Variants in DMP1 observed in about 807,000 individuals in gnomAD.
DMP1 encodes dentin matrix protein 1.
In DMP1, 20 loss-of-function variants were observed where a neutral mutation model predicts 14.6. That is an observed-to-expected ratio of 1.37 (90% CI 0.96 to 1.99). The LOEUF (loss-of-function observed/expected upper bound fraction) is 1.99. DMP1 is among the 30% of genes most tolerant of loss of function. The pLI, the probability that DMP1 is intolerant of heterozygous loss-of-function variation, is 0.00. For synonymous variants in DMP1, 197 were observed against 215.3 expected, an observed-to-expected ratio of 0.91 and a Z score of 0.75; for missense variants, 567 against 620.5, an observed-to-expected ratio of 0.91 and a Z score of 0.92.
chr4:87,662,872 G>T lies in DMP1; in HGVS notation c.1094G>T (p.Gly365Val). Reference sequence around the variant, plus strand: ...GAAGAGGTGGTGAGTGAGTCCAGGGGAGATAACCCCGACCCCACAACTAGT... The same window carrying T: ...GAAGAGGTGGTGAGTGAGTCCAGGGTAGATAACCCCGACCCCACAACTAGT... ...SQEEVVSESR[G>V]DNPDPTTSYV... Residue 365 changes from glycine (G) to valine (V), a missense_variant, in exon 6 of 6, where the codon GGA becomes GTA. Coordinates refer to ENST00000339673, the MANE Select transcript of DMP1 (RefSeq NM_004407.4). 2 of 1,614,134 alleles carry T rather than the reference G, an allele frequency of 1.2e-6. No individual in the cohort carries two copies. Among genetic ancestry groups the T allele is most frequent in the Non-Finnish European group, 1.7e-6 (2 of 1,180,026 alleles).
Position 87,662,232 on chromosome 4 carries a change from C to T in DMP1, c.454C>T (p.Pro152Ser). Reference protein sequence around the residue: ...DTIQASEESAPQGQDSAQDTT... With the variant: ...DTIQASEESASQGQDSAQDTT... ...CATACAAGCCAGTGAAGAGAGTGCCCCACAAGGGCAAGACAGTGCCCAAGA... is the reference window on the plus strand; with the variant it reads ...CATACAAGCCAGTGAAGAGAGTGCCTCACAAGGGCAAGACAGTGCCCAAGA... The change falls in exon 6 of 6, where the codon CCA becomes TCA. Residue 152 changes from proline (P) to serine (S), a missense_variant. Pro to Ser is a moderately conservative substitution (Grantham distance 74). Transcript: ENST00000339673. 6.2e-6 allele frequency: 10 copies of T among 1,614,128 alleles called. No homozygotes were observed. Among genetic ancestry groups the T allele is most frequent in the Non-Finnish European group, 8.5e-6 (10 of 1,180,034 alleles).
chr4:87,653,385 TGATATATATA>T (rs1728573778), intron 1 of DMP1, among the ~76,000 whole-genome samples: 2 of 56,510 alleles, frequency 3.5e-5, no homozygotes, highest in Non-Finnish European at 3.5e-5. Context: ...CATTATCGAG[TGATATATATA>T]TATATATATA....
intron 2 of DMP1, 66 bp from the exon 3 acceptor site, chr4:87,656,966 A>C (rs911686488): frequency 1.0e-6 from 1 of 990,600 alleles, no homozygotes; most frequent in Non-Finnish European, 1.6e-6. Context: ...CTATGTATGA[A>C]ATGTGTTAAT....
At chr4:87,652,094 T>C (rs563703060) in intron 1 of DMP1, among the ~76,000 whole-genome samples, 2 of 152,304 alleles carry the variant, frequency 1.3e-5, no homozygotes, top group Admixed American at 6.5e-5. Flanking sequence ...AGAAATTCTC[T>C]AATACACCGC....
intron 3 of DMP1, 124 bp downstream of exon 3, chr4:87,657,203 A>T (rs1444913589): frequency 4.0e-5 from 25 of 618,884 alleles, no homozygotes; most frequent in Non-Finnish European, 7.2e-5. Context: ...AAGCTAAGCT[A>T]TAGAGTTCAT....
chr4:87,663,538 G>C lies in DMP1; in HGVS notation c.*218G>C. 1.6e-6 allele frequency: 1 copy of C among 638,892 alleles called. No individual in the cohort carries two copies. The allele number at this position is 638,892 out of a possible 1,614,324, so 39.6% of individuals were successfully genotyped here. A position where few individuals can be genotyped will look rare whatever the true frequency, so the allele number is the denominator to read the frequency against. On this transcript the variant is annotated 3_prime_UTR_variant, in exon 6 of 6. Transcript: ENST00000339673. ...GTGACACCAGAACACAGCCAAAGAG[G>C]CTAGAAGCAAGAAAGGATCTGCATG...
chr4:87,657,761 G>A (rs1054511533), intron 3 of DMP1, among the ~76,000 whole-genome samples: 13 of 152,154 alleles, frequency 8.5e-5, no homozygotes, highest in African/African-American at 2.9e-4. Flanking sequence ...TCTCAGGAAG[G>A]AGCCAGGTCT....
chr4:87,662,258 T>A lies in DMP1; in HGVS notation c.480T>A (p.Asp160Glu), dbSNP rs1419360480. ...CACAAGGGCAAGACAGTGCCCAAGATACCACCAGTGAGAGCAGGGAACTTG... is the reference window on the plus strand; with the variant it reads ...CACAAGGGCAAGACAGTGCCCAAGAAACCACCAGTGAGAGCAGGGAACTTG... ...SAPQGQDSAQ[D>E]TTSESRELDN... The change falls in exon 6 of 6, where the codon GAT becomes GAA. Residue 160 changes from aspartate (D) to glutamate (E), a missense_variant. Asp to Glu is a conservative substitution (Grantham distance 45). Coordinates refer to ENST00000339673, the MANE Select transcript of DMP1 (RefSeq NM_004407.4). 1 of 1,614,104 alleles carries A rather than the reference T, an allele frequency of 6.2e-7. No homozygotes were observed. Among genetic ancestry groups the A allele is most frequent in the Non-Finnish European group, 8.5e-7 (1 of 1,180,034 alleles).
Position 87,663,037 on chromosome 4 carries a change from A to T in DMP1, c.1259A>T (p.Glu420Val), listed in dbSNP as rs1339335485. ...ESLNFSEESP[E>V]SPEDENSSSQ... ...CTCAACTTCTCAGAGGAAAGCCCGG[A>T]GTCCCCTGAGGATGAGAACAGCTCC... The change falls in exon 6 of 6, where the codon GAG becomes GTG. Residue 420 changes from glutamate to valine, a missense_variant. Glu to Val is a moderately radical substitution (Grantham distance 121, BLOSUM62 -2). Transcript: ENST00000339673. The T allele has an allele frequency of 6.2e-7, 1 of 1,614,186 alleles. No individual in the cohort carries two copies.
intron 2 of DMP1, 115 bp downstream of exon 2, chr4:87,656,661 T>A (rs768312745): frequency 1.4e-5 from 11 of 787,486 alleles, no homozygotes; most frequent in Non-Finnish European, 2.5e-5. Context: ...AAAATAGTAG[T>A]TTCTTAGCAT....
chr4:87,653,540 C>G (rs1472542087), intron 1 of DMP1, among the ~76,000 whole-genome samples: 1 of 150,570 alleles, frequency 6.6e-6, no homozygotes, highest in Non-Finnish European at 1.5e-5. Flanking sequence ...ATTCTCCCCA[C>G]TCAGCCTCCT....
rs201100267 is a variant in DMP1, at chr4:87,662,276, G to T, written c.498G>T (p.Arg166Ser). 6.2e-7 allele frequency: 1 copy of T among 1,614,108 alleles called. No homozygotes were observed. The highest frequency in any genetic ancestry group is 8.5e-7 in the Non-Finnish European group (1 of 1,180,036). The stretch of plus-strand genomic sequence containing the variant: ...CCCAAGATACCACCAGTGAGAGCAG[G>T]GAACTTGACAATGAGGACCGGGTGG... ...DSAQDTTSES[R>S]ELDNEDRVDS... Residue 166 changes from arginine (R) to serine (S), a missense_variant, in exon 6 of 6, where the codon AGG becomes AGT. Transcript: ENST00000339673.
In DMP1 at chr4:87,663,561, A is replaced by G; in HGVS notation, c.*241A>G. ...AGGCTAGAAGCAAGAAAGGATCTGC[A>G]TGATAACTTTGCAGCTGAGATAGTT... On this transcript the variant is annotated 3_prime_UTR_variant, in exon 6 of 6. Coordinates refer to ENST00000339673, the MANE Select transcript of DMP1 (RefSeq NM_004407.4). 2 of 579,142 alleles carry G rather than the reference A, an allele frequency of 3.5e-6. No individual in the cohort carries two copies. Among genetic ancestry groups the G allele is most frequent in the Non-Finnish European group, 3.0e-6 (1 of 330,814 alleles). The allele number at this position is 579,142 out of a possible 1,614,324, so 35.9% of individuals were successfully genotyped here. A position where few individuals can be genotyped will look rare whatever the true frequency, so the allele number is the denominator to read the frequency against.
intron 1 of DMP1, among the ~76,000 whole-genome samples, chr4:87,652,102 C>G (rs1157286200): frequency 1.3e-5 from 2 of 152,118 alleles, no homozygotes; most frequent in Non-Finnish European, 2.9e-5. Flanking sequence ...TCTAATACAC[C>G]GCCTTCCAAA....
chr4:87,664,040 C>A lies in DMP1; in HGVS notation c.*720C>A, dbSNP rs1729015186. On this transcript the variant is annotated 3_prime_UTR_variant, in exon 6 of 6. Coordinates refer to ENST00000339673, the MANE Select transcript of DMP1 (RefSeq NM_004407.4). ...TTGTTTTGGATAAGAAAATCTTTTT[C>A]TCCCAATTAATTTACCAATTCATCA... 1 of 148,524 alleles carries A rather than the reference C, an allele frequency of 6.7e-6. No individual in the cohort carries two copies. Among genetic ancestry groups the A allele is most frequent in the African/African-American group, 2.5e-5 (1 of 39,808 alleles). 9.2% of individuals were successfully genotyped at this position (148,524 alleles called of 1,614,324 possible). A position where few individuals can be genotyped will look rare whatever the true frequency, so the allele number is the denominator to read the frequency against.
At chr4:87,658,917 T>C (rs976913873) in intron 3 of DMP1, 2 of 380,556 alleles carry the variant, frequency 5.3e-6, no homozygotes, top group African/African-American at 4.2e-5. Context: ...GCTTTTCCTG[T>C]GTTACGTTTC....
Position 87,656,578 on chromosome 4 carries a change from C to A in DMP1, c.54+32C>A, listed in dbSNP as rs531731094. On this transcript the variant is annotated intron_variant, in intron 2 of 5. Transcript: ENST00000339673. The stretch of plus-strand genomic sequence containing the variant: ...ATTAGGGTAGGGATATATGAAAAAA[C>A]CCTTTCATACTTAAAACTCCACAAT... The A allele has an allele frequency of 5.6e-6, 8 of 1,431,920 alleles. No individual in the cohort carries two copies. The African/African-American group carries it at 5.6e-5, about 10-fold the overall frequency. The allele number at this position is 1,431,920 out of a possible 1,614,324, so 88.7% of individuals were successfully genotyped here.
chr4:87,659,765 T>A (rs1213727831), intron 5 of DMP1, among the ~76,000 whole-genome samples: 2 of 152,020 alleles, frequency 1.3e-5, no homozygotes, highest in Non-Finnish European at 2.9e-5. Context: ...ACACACACAC[T>A]CACAAATGGT....
At chr4:87,654,439 A>T (rs928586405) in intron 1 of DMP1, among the ~76,000 whole-genome samples, 1 of 152,216 alleles carries the variant, frequency 6.6e-6, no homozygotes, top group African/African-American at 2.4e-5. Context: ...TTCCTATACC[A>T]GTAAACTATT....
Sources: allele counts gnomAD v4.1 joint callset (sites outside exome capture counted in the v4.1 genomes callset), GRCh38; gene constraint gnomAD v4.1.1; transcripts MANE v1.5; gene names NCBI Gene and HGNC (gene_info 2026-07-23, HGNC 2026-07-21).